CMC1: variants seen among roughly 807,000 people sequenced by gnomAD.
CMC1 encodes the protein C-X9-C motif containing 1, also known as COX assembly mitochondrial protein homolog.
CMC1 carries 14 observed loss-of-function variants against 14.1 expected under a neutral mutation model. The observed-to-expected ratio is 0.99, with a 90% CI of 0.66 to 1.55. The LOEUF is 1.55. Ranked by LOEUF, CMC1 falls within the 40% of genes most tolerant of loss-of-function variation. The pLI is 0.00. For missense variants in CMC1, 127 were observed against 123.8 expected, an observed-to-expected ratio of 1.03 and a Z score of -0.12; for synonymous variants, 50 against 38.4, an observed-to-expected ratio of 1.30 and a Z score of -1.12.
intron 2 of CMC1, among the ~76,000 whole-genome samples, chr3:28,308,717 G>T (rs1039808480): frequency 6.6e-6 from 1 of 152,164 alleles, no homozygotes; most frequent in Non-Finnish European, 1.5e-5. Context: ...GAGCATGGTG[G>T]CTTACGCCTG....
chr3:28,287,279 TTGTC>T (rs1337819078), intron 2 of CMC1, among the ~76,000 whole-genome samples: 1 of 152,144 alleles, frequency 6.6e-6, no homozygotes, highest in African/African-American at 2.4e-5. Flanking sequence ...ACTGGCATCT[TTGTC>T]TGGATTAGTA....
At chr3:28,288,399 A>G (rs1205202453) in intron 2 of CMC1, among the ~76,000 whole-genome samples, 2 of 152,056 alleles carry the variant, frequency 1.3e-5, no homozygotes, top group Non-Finnish European at 2.9e-5. Context: ...TGGTAGAAGT[A>G]TCTGAAAATC....
At chr3:28,302,341 G>GT (rs1034933067) in intron 2 of CMC1, among the ~76,000 whole-genome samples, 9 of 152,250 alleles carry the variant, frequency 5.9e-5, no homozygotes, top group Middle Eastern at 3.4e-3. Flanking sequence ...GTTTTGTTTT[G>GT]TTTTTTGTCA....
intron 2 of CMC1, among the ~76,000 whole-genome samples, chr3:28,305,184 T>C (rs2125585759): frequency 6.6e-6 from 1 of 152,302 alleles, no homozygotes; most frequent in South Asian, 2.1e-4. Context: ...CAACATGCGG[T>C]ATTTGTCTAT....
chr3:28,272,977 G>T (rs774338388), intron 2 of CMC1, among the ~76,000 whole-genome samples: 65 of 152,086 alleles, frequency 4.3e-4, no homozygotes, highest in African/African-American at 1.5e-3. Flanking sequence ...GAGCCACCAC[G>T]CCCAGCCTTC....
rs2125635462 is a variant in CMC1, at chr3:28,325,063, A to G, written c.*5434A>G. ...AAAGCAGTTTAAATAAAATTTGTGAAATCTTGTTTCTTGTAAAACACAGCA... is the reference window on the plus strand; with the variant it reads ...AAAGCAGTTTAAATAAAATTTGTGAGATCTTGTTTCTTGTAAAACACAGCA... On this transcript the variant is annotated 3_prime_UTR_variant, in exon 4 of 4. Transcript: ENST00000466830. 1 of 150,426 alleles carries G rather than the reference A, an allele frequency of 6.6e-6. No individual in the cohort carries two copies. Among genetic ancestry groups the G allele is most frequent in the African/African-American group, 2.4e-5 (1 of 41,174 alleles). The allele number at this position is 150,426 out of a possible 1,614,324, so 9.3% of individuals were successfully genotyped here. A position where few individuals can be genotyped will look rare whatever the true frequency, so the allele number is the denominator to read the frequency against.
intron 2 of CMC1, among the ~76,000 whole-genome samples, chr3:28,300,395 C>T (rs1005199637): frequency 9.2e-5 from 14 of 152,034 alleles, no homozygotes; most frequent in Admixed American, 8.5e-4. Context: ...TCCTAGAGTG[C>T]GATGAACAGG....
At chr3:28,257,713 T>C (rs1699488450) in intron 1 of CMC1, among the ~76,000 whole-genome samples, 2 of 152,216 alleles carry the variant, frequency 1.3e-5, no homozygotes, top group Admixed American at 1.3e-4. Flanking sequence ...GGGACAGGGT[T>C]TCACCATGTT....
intron 1 of CMC1, among the ~76,000 whole-genome samples, chr3:28,248,251 C>A (rs1277071058): frequency 6.6e-6 from 1 of 152,046 alleles, no homozygotes; most frequent in African/African-American, 2.4e-5. Flanking sequence ...TCATATGAAT[C>A]CACCTCTTTA....
chr3:28,314,157 G>A (rs904798685), intron 2 of CMC1, among the ~76,000 whole-genome samples: 17 of 152,174 alleles, frequency 1.1e-4, no homozygotes. Context: ...GATTGCCCAT[G>A]TCTTTTTATT....
At chr3:28,263,256 G>C (rs370831871) in intron 1 of CMC1, 35 bp from the exon 2 acceptor site, 1 of 1,474,298 alleles carries the variant, frequency 6.8e-7, no homozygotes, top group African/African-American at 1.4e-5. Context: ...TGATTTGCTT[G>C]AGACTTTATT....
intron 2 of CMC1, among the ~76,000 whole-genome samples, chr3:28,280,536 G>T (rs1405287661): frequency 6.6e-6 from 1 of 152,104 alleles, no homozygotes; most frequent in Non-Finnish European, 1.5e-5. Flanking sequence ...TGCTGGCCAG[G>T]AATAACAGCA....
At chr3:28,286,358 A>C (rs144903855) in intron 2 of CMC1, among the ~76,000 whole-genome samples, 1 of 152,116 alleles carries the variant, frequency 6.6e-6, no homozygotes, top group Non-Finnish European at 1.5e-5. Context: ...TTTATACTGG[A>C]TAGTTTATAT....
At chr3:28,294,402 T>C (rs945239235) in intron 2 of CMC1, 14 of 635,172 alleles carry the variant, frequency 2.2e-5, no homozygotes, top group African/African-American at 6.0e-5. Flanking sequence ...CTTTTTGTCA[T>C]GTGAAATAAA....
chr3:28,274,954 T>C (rs1229082265), intron 2 of CMC1, among the ~76,000 whole-genome samples: 1 of 152,162 alleles, frequency 6.6e-6, no homozygotes, highest in African/African-American at 2.4e-5. Flanking sequence ...TCCTTTATGT[T>C]CCTTTCTAAA....
rs1703138490 is a variant in CMC1 at position 28,320,094 on chromosome 3, C to G, written c.*465C>G. 1 of 154,990 alleles carries G rather than the reference C, an allele frequency of 6.5e-6. No homozygotes were observed. Among genetic ancestry groups the G allele is most frequent in the Admixed American group, 6.4e-5 (1 of 15,612 alleles). The allele number at this position is 154,990 out of a possible 1,614,324, so 9.6% of individuals were successfully genotyped here. On this transcript the variant is annotated 3_prime_UTR_variant, in exon 4 of 4. Transcript: ENST00000466830. ...TAGCTATACAGCTGTGGAAGTAAAT[C>G]TAATACAGTTTGTGAGGATGTACTG...
At chr3:28,247,439 GT>G (rs1233799052) in intron 1 of CMC1, among the ~76,000 whole-genome samples, 4 of 152,172 alleles carry the variant, frequency 2.6e-5, no homozygotes, top group Admixed American at 6.5e-5. Context: ...GGTACATACA[GT>G]TTATTGTGCC....
intron 2 of CMC1, among the ~76,000 whole-genome samples, chr3:28,301,459 G>A (rs915184475): frequency 3.3e-5 from 5 of 152,104 alleles, no homozygotes; most frequent in East Asian, 1.9e-4. Context: ...GGATTCAAGC[G>A]ATCCTCCTGC....
chr3:28,280,958 C>T (rs1459497919), intron 2 of CMC1, among the ~76,000 whole-genome samples: 1 of 152,166 alleles, frequency 6.6e-6, no homozygotes, highest in Non-Finnish European at 1.5e-5. Context: ...TATGTATTGC[C>T]TATAGCTGCT....
Sources: gnomAD v4.1 joint callset for allele counts (sites outside exome capture counted in the v4.1 genomes callset) on GRCh38, gnomAD v4.1.1 for gene constraint, MANE v1.5 for transcripts, NCBI Gene and HGNC (gene_info 2026-07-23, HGNC 2026-07-21) for gene names.